IGSF10: variants seen among roughly 807,000 people sequenced by gnomAD.
IGSF10 encodes the protein calvaria mechanical force protein 608.
In IGSF10, 126 loss-of-function variants were observed where a neutral mutation model predicts 128.2. That is an observed-to-expected ratio of 0.98 (90% CI 0.85 to 1.14). The LOEUF (loss-of-function observed/expected upper bound fraction) is 1.14. IGSF10 is among the 50% of genes most tolerant of loss of function. The pLI is 0.00. For missense variants in IGSF10, 3,295 were observed against 3,149.8 expected (o/e 1.05, Z -1.10); for synonymous variants, 1,185 against 1,146.2 (o/e 1.03, Z -0.68).
At chr3:151,533,556 G>T in the IGSF10 span, among the ~76,000 whole-genome samples, 40 of 152,172 alleles carry the variant, frequency 2.6e-4, no homozygotes, top group African/African-American at 9.4e-4. Flanking sequence ...AATGGGGAAA[G>T]GATTCCCTAT....
At chr3:151,592,699 A>G in the IGSF10 span, among the ~76,000 whole-genome samples, 1 of 152,152 alleles carries the variant, frequency 6.6e-6, no homozygotes, top group Non-Finnish European at 1.5e-5. Flanking sequence ...AATTATTGAT[A>G]TATCTAGGGA....
At position 151,445,965 on chromosome 3, in the gene IGSF10, G is replaced by C. The variant is rs1721162581; in HGVS notation, c.4016C>G (p.Ser1339Cys). 1.2e-6 allele frequency: 2 copies of C among 1,614,058 alleles called. No homozygotes were observed. Among genetic ancestry groups the C allele is most frequent in the African/African-American group, 2.7e-5 (2 of 74,926 alleles). ...VITYETQTER[S>C]RAQTIQREQE... is the part of the protein sequence containing the mutation. ...TTCTCTTTGTATTGTTTGTGCTCTA[G>C]ATCTCTCTGTTTGGGTTTCATAAGT... Residue 1339 changes from serine to cysteine, a missense_variant, in exon 6 of 8, where the codon TCT becomes TGT. Ser to Cys is a moderately radical substitution (Grantham distance 112). Coordinates refer to ENST00000282466, the MANE Select transcript of IGSF10 (RefSeq NM_178822.5).
chr3:151,436,488 G>GTTTGT lies in IGSF10; in HGVS notation c.*196_*200dup. On this transcript the variant is annotated 3_prime_UTR_variant, in exon 8 of 8. Transcript: ENST00000282466. ...AAAATAAAAGTGCCTTAAGTTAAAA[G>GTTTGT]TTTGTTTTGAGATCCATTAAATAAA... 2.2e-6 allele frequency: 1 copy of GTTTGT among 450,020 alleles called. No homozygotes were observed. The highest frequency in any genetic ancestry group is 3.9e-5 in the Admixed American group (1 of 25,476). The allele number at this position is 450,020 out of a possible 1,614,324, so 27.9% of individuals were successfully genotyped here.
At chr3:151,583,997 G>C in the IGSF10 span, among the ~76,000 whole-genome samples, 1 of 152,078 alleles carries the variant, frequency 6.6e-6, no homozygotes, top group Non-Finnish European at 1.5e-5. Context: ...ATTATAAATA[G>C]CCTTACTAAT....
At chr3:151,576,627 C>T in the IGSF10 span, among the ~76,000 whole-genome samples, 1 of 152,210 alleles carries the variant, frequency 6.6e-6, no homozygotes, top group Admixed American at 6.5e-5. Flanking sequence ...CTGGCCATAA[C>T]TTCCCCAAAT....
chr3:151,510,597 G>C, the IGSF10 span, among the ~76,000 whole-genome samples: 3 of 152,168 alleles, frequency 2.0e-5, no homozygotes, highest in African/African-American at 7.2e-5. Flanking sequence ...ACCAGCAATG[G>C]AACAAAGCTG....
the IGSF10 span, among the ~76,000 whole-genome samples, chr3:151,543,153 A>T: frequency 6.6e-6 from 1 of 152,162 alleles, no homozygotes; most frequent in Non-Finnish European, 1.5e-5. Flanking sequence ...AGTCAAGGAG[A>T]CTAAGTCCAT....
chr3:151,567,310 C>T, the IGSF10 span, among the ~76,000 whole-genome samples: 1 of 152,050 alleles, frequency 6.6e-6, no homozygotes, highest in Admixed American at 6.6e-5. Context: ...TTTATTTGAG[C>T]CACTTTATTA....
At chr3:151,563,616 C>G in the IGSF10 span, among the ~76,000 whole-genome samples, 2 of 152,048 alleles carry the variant, frequency 1.3e-5, no homozygotes, top group Non-Finnish European at 2.9e-5. Context: ...AGAGTTGTCA[C>G]CAACAACAGT....
chr3:151,454,326 CTG>C (rs1477670034), intron 4 of IGSF10, among the ~76,000 whole-genome samples: 2 of 152,042 alleles, frequency 1.3e-5, no homozygotes, highest in African/African-American at 2.4e-5. Context: ...CCAGGAATGA[CTG>C]TTAAAATTTA....
At chr3:151,545,814 T>C in the IGSF10 span, among the ~76,000 whole-genome samples, 1 of 97,744 alleles carries the variant, frequency 1.0e-5, no homozygotes, top group Non-Finnish European at 2.0e-5. Flanking sequence ...GGAAAGAAAA[T>C]AAACGTGGTG....
rs138189729 is a variant in IGSF10 at position 151,443,328 on chromosome 3, G to A, written c.5619C>T (p.Ser1873=). Residue 1873 remains serine (S), a synonymous_variant, in exon 7 of 8, where the codon AGC becomes AGT. Coordinates refer to ENST00000282466, the MANE Select transcript of IGSF10 (RefSeq NM_178822.5). ...PCTAKGTPQP[S]VYWVLSDGTE... ...TGCCATCAGAGAGGACCCAGTAAAC[G>A]CTGGGCTGAGGAGTTCCTTTTGCAG... 1.9e-6 allele frequency: 3 copies of A among 1,614,022 alleles called. No homozygotes were observed. The highest frequency in any genetic ancestry group is 2.2e-5 in the East Asian group (1 of 44,902).
chr3:151,456,983 C>T lies in IGSF10; in HGVS notation c.324+43G>A, dbSNP rs2108574995. ...CTTTGAAGGTCTATCTCACAGGTCCCACCTTACCTCTTTAACCTGCCCCCT... is the reference window on the plus strand; with the variant it reads ...CTTTGAAGGTCTATCTCACAGGTCCTACCTTACCTCTTTAACCTGCCCCCT... On this transcript the variant is annotated intron_variant, in intron 4 of 7. Transcript: ENST00000282466. 4 of 1,610,382 alleles carry T rather than the reference C, an allele frequency of 2.5e-6. No homozygotes were observed. The East Asian group carries it at 8.9e-5, about 36-fold the overall frequency.
the IGSF10 span, among the ~76,000 whole-genome samples, chr3:151,490,332 G>A: frequency 4.6e-5 from 7 of 152,116 alleles, no homozygotes; most frequent in African/African-American, 1.2e-4. Context: ...AGGACAGAGT[G>A]ATTGTAAATG....
chr3:151,558,027 A>ATTATATATATATTATATATATATAT, the IGSF10 span, among the ~76,000 whole-genome samples: 127 of 52,920 alleles, frequency 2.4e-3, 5 homozygotes, highest in Non-Finnish European at 3.8e-3. Flanking sequence ...TAATATATAT[A>ATTATATATATATTATATATATATAT]TTGGTACAAT....
At chr3:151,443,946 G>A (rs1196230598) in intron 6 of IGSF10, 62 bp from the exon 7 acceptor site, 3 of 1,360,374 alleles carry the variant, frequency 2.2e-6, no homozygotes, top group South Asian at 2.9e-5. Flanking sequence ...AAAACATAAA[G>A]CTATCGTTTT....
At chr3:151,592,501 C>G in the IGSF10 span, among the ~76,000 whole-genome samples, 1 of 152,100 alleles carries the variant, frequency 6.6e-6, no homozygotes, top group African/African-American at 2.4e-5. Flanking sequence ...ATCCAGATAG[C>G]TATTATGCAC....
In IGSF10 at chr3:151,436,386, T is replaced by C. The variant is rs1720214605; in HGVS notation, c.*303A>G. ...TGGTATTAGAAGTTCATTTTTTTAC[T>C]GAAAAATTCAGGTACATTAGCCATT... On this transcript the variant is annotated 3_prime_UTR_variant, in exon 8 of 8. Coordinates refer to ENST00000282466, the MANE Select transcript of IGSF10 (RefSeq NM_178822.5). 4.3e-6 allele frequency: 1 copy of C among 233,642 alleles called. No individual in the cohort carries two copies. The highest frequency in any genetic ancestry group is 8.3e-6 in the Non-Finnish European group (1 of 119,838). 14.5% of individuals were successfully genotyped at this position (233,642 alleles called of 1,614,324 possible).
chr3:151,514,705 T>C, the IGSF10 span, among the ~76,000 whole-genome samples: 7 of 152,116 alleles, frequency 4.6e-5, no homozygotes, highest in East Asian at 5.8e-4. Flanking sequence ...AGAAAATTTT[T>C]GCAACCTACT....
Sources: gnomAD v4.1 joint callset for allele counts (sites outside exome capture counted in the v4.1 genomes callset) on GRCh38, gnomAD v4.1.1 for gene constraint, MANE v1.5 for transcripts, NCBI Gene and HGNC (gene_info 2026-07-23, HGNC 2026-07-21) for gene names.